Variants in MRTFB observed in about 807,000 individuals in gnomAD.
MRTFB encodes myocardin related transcription factor B, also known as myocardin-related transcription factor B.
MRTFB carries 29 observed loss-of-function variants against 104.2 expected under a neutral mutation model. The observed-to-expected ratio is 0.28, with a 90% CI of 0.21 to 0.38. The LOEUF (loss-of-function observed/expected upper bound fraction) is 0.38, where lower values mean the gene tolerates loss of function less well. MRTFB is among the 10% of genes least tolerant of loss of function. The probability of loss-of-function intolerance (pLI) is 1.00; values close to 1 mark genes in which losing one functional copy is unlikely to be tolerated. For missense variants in MRTFB, 1,270 were observed against 1,341.6 expected, an observed-to-expected ratio of 0.95 and a Z score of 0.83; for synonymous variants, 535 against 519.5, an observed-to-expected ratio of 1.03 and a Z score of -0.41.
intron 8 of MRTFB, among the ~76,000 whole-genome samples, chr16:14,227,364 C>T (rs1445504430): frequency 1.3e-5 from 2 of 152,204 alleles, no homozygotes; most frequent in Non-Finnish European, 2.9e-5. Context: ...CCTGTAATGT[C>T]TGTACACTGG....
chr16:14,100,944 C>T (rs1252574429), intron 2 of MRTFB, among the ~76,000 whole-genome samples: 1 of 152,026 alleles, frequency 6.6e-6, no homozygotes, highest in East Asian at 1.9e-4. Context: ...TGTCTTCTCT[C>T]TTTTTTCCTG....
At chr16:14,186,567 A>C (rs944468396) in intron 3 of MRTFB, 1 of 378,304 alleles carries the variant, frequency 2.6e-6, no homozygotes, top group Non-Finnish European at 4.3e-6. Context: ...TCGGACCATC[A>C]AACTGCAGAC....
chr16:14,200,305 T>TA (rs1396109236), intron 3 of MRTFB: 1 of 1,604,532 alleles, frequency 6.2e-7, no homozygotes. Context: ...CCCGGACCCG[T>TA]ACGCTGCTGC....
chr16:14,236,877 G>A (rs1331261964), intron 9 of MRTFB, among the ~76,000 whole-genome samples: 1 of 152,210 alleles, frequency 6.6e-6, no homozygotes. Context: ...GGAGACAGTG[G>A]CAGCTGGGGA....
At chr16:14,124,971 G>A (rs754607459) in intron 2 of MRTFB, among the ~76,000 whole-genome samples, 5 of 152,140 alleles carry the variant, frequency 3.3e-5, no homozygotes, top group South Asian at 4.1e-4. Flanking sequence ...CCTTGCTGGT[G>A]TATAGGGTTG....
intron 2 of MRTFB, among the ~76,000 whole-genome samples, chr16:14,089,668 T>C (rs575203504): frequency 1.1e-4 from 17 of 152,326 alleles, no homozygotes; most frequent in South Asian, 8.3e-4. Context: ...CTGGGTTATA[T>C]GGTAACTCTG....
the MRTFB span, among the ~76,000 whole-genome samples, chr16:14,031,215 G>A: frequency 6.6e-6 from 1 of 151,966 alleles, no homozygotes; most frequent in African/African-American, 2.4e-5. Context: ...AACATGGCAA[G>A]AGCCCATCTC....
intron 2 of MRTFB, among the ~76,000 whole-genome samples, chr16:14,097,061 C>T (rs2035417219): frequency 6.6e-6 from 1 of 152,162 alleles, no homozygotes; most frequent in Admixed American, 6.5e-5. Context: ...CTACCTGTAG[C>T]CTATTTCCAC....
intron 3 of MRTFB, among the ~76,000 whole-genome samples, chr16:14,184,568 C>T (rs1311200257): frequency 9.8e-6 from 1 of 102,256 alleles, no homozygotes; most frequent in East Asian, 2.8e-4. Flanking sequence ...TAATGTTGAA[C>T]TCACAAGTCT....
chr16:14,039,439 G>A, the MRTFB span, among the ~76,000 whole-genome samples: 1 of 152,128 alleles, frequency 6.6e-6, no homozygotes, highest in African/African-American at 2.4e-5. Context: ...TTCATTGTGG[G>A]AGGGAACAAC....
chr16:14,186,935 G>T (rs746240570), intron 3 of MRTFB: 49 of 1,598,078 alleles, frequency 3.1e-5, no homozygotes, highest in Non-Finnish European at 4.1e-5. Flanking sequence ...GCTCCAAGAA[G>T]CAGCAACAGG....
rs1271322033 is a variant in MRTFB at position 14,246,487 on chromosome 16, G to A, written c.1227G>A (p.Lys409=). 2 of 1,613,946 alleles carry A rather than the reference G, an allele frequency of 1.2e-6. No individual in the cohort carries two copies. Among genetic ancestry groups the A allele is most frequent in the South Asian group, 1.1e-5 (1 of 91,068 alleles). ...SLDDLKVSEL[K]TELKLRGLPV... is the part of the protein sequence containing the mutation. ...TGTACCTCCAGGTATCAGAACTGAA[G>A]ACAGAACTGAAGTTAAGGGGTCTGC... The change falls in exon 12 of 17, where the codon AAG becomes AAA. Residue 409 remains lysine, a synonymous_variant. Transcript: ENST00000571589.
At position 14,219,044 on chromosome 16, in the gene MRTFB, T is replaced by G. The variant is rs761905468; in HGVS notation, c.693+46T>G. On this transcript the variant is annotated intron_variant, in intron 8 of 16. Transcript: ENST00000571589. Reference sequence around the variant, plus strand: ...ACCCCTAAAGAAAGAAAATGCCTTGTTTTTTTTTAATATATTAAGGTAATA... The same window carrying G: ...ACCCCTAAAGAAAGAAAATGCCTTGGTTTTTTTTAATATATTAAGGTAATA... 10 of 1,472,886 alleles carry G rather than the reference T, an allele frequency of 6.8e-6. No individual in the cohort carries two copies. The South Asian group carries it at 6.8e-5, about 10-fold the overall frequency. The allele number at this position is 1,472,886 out of a possible 1,614,324, so 91.2% of individuals were successfully genotyped here.
chr16:14,125,005 G>A (rs957575773), intron 2 of MRTFB, among the ~76,000 whole-genome samples: 2 of 152,104 alleles, frequency 1.3e-5, no homozygotes, highest in Admixed American at 6.5e-5. Flanking sequence ...TGAAATCTGC[G>A]TTTTCTTTTG....
At chr16:14,259,512 G>A (rs1266938283) in intron 16 of MRTFB, among the ~76,000 whole-genome samples, 1 of 151,920 alleles carries the variant, frequency 6.6e-6, no homozygotes, top group Non-Finnish European at 1.5e-5. Context: ...TGTAATCCCA[G>A]CACTTTGGGA....
At chr16:14,034,389 G>A in the MRTFB span, among the ~76,000 whole-genome samples, 9 of 152,264 alleles carry the variant, frequency 5.9e-5, no homozygotes, top group South Asian at 2.1e-4. Context: ...CAAGGTGGGC[G>A]GATCACTTGA....
At chr16:14,219,044 T>A in intron 8 of MRTFB, 46 bp downstream of exon 8, 1 of 1,472,886 alleles carries the variant, frequency 6.8e-7, no homozygotes, top group Non-Finnish European at 9.1e-7. Flanking sequence ...AAATGCCTTG[T>A]TTTTTTTTAA....
rs1434748988 is a variant in MRTFB at position 14,151,615 on chromosome 16, A to G, written c.154+10855A>G. 2.0e-5 allele frequency: 3 copies of G among 152,182 alleles called. No individual in the cohort carries two copies. The East Asian group carries it at 5.8e-4, about 29-fold the overall frequency. The allele number at this position is 152,182 out of a possible 1,614,324, so 9.4% of individuals were successfully genotyped here. The stretch of plus-strand genomic sequence containing the variant: ...AGTATTTCTTTTTTAAAAAGGCAAA[A>G]TGACATTCAGTTTCTTAATGTCTCA... On this transcript the variant is annotated intron_variant, in intron 3 of 16. Transcript: ENST00000571589.
chr16:14,099,830 G>A (rs980877621), intron 2 of MRTFB, among the ~76,000 whole-genome samples: 1 of 151,990 alleles, frequency 6.6e-6, no homozygotes, highest in African/African-American at 2.4e-5. Flanking sequence ...ACCACGCCCA[G>A]CTAATTTTTG....
Sources: gnomAD v4.1 joint callset for allele counts (sites outside exome capture counted in the v4.1 genomes callset) on GRCh38, gnomAD v4.1.1 for gene constraint, MANE v1.5 for transcripts, NCBI Gene and HGNC (gene_info 2026-07-23, HGNC 2026-07-21) for gene names.